FER: variants seen among roughly 807,000 people sequenced by gnomAD.
FER encodes the protein tyrosine-protein kinase Fer.
A neutral mutation model predicts 111.0 loss-of-function variants in FER; 63 were observed. That is an observed-to-expected ratio of 0.57 (90% CI 0.46 to 0.70). FER has a LOEUF of 0.70. FER is among the 30% of genes least tolerant of loss of function. FER has a pLI of 0.00. For synonymous variants in FER, 327 were observed against 313.9 expected (o/e 1.04, Z -0.44); for missense variants, 914 against 954.0 (o/e 0.96, Z 0.55).
intron 9 of FER, 63 bp from the exon 10 acceptor site, chr5:108,897,596 A>T: frequency 8.5e-7 from 1 of 1,177,748 alleles, no homozygotes; most frequent in Non-Finnish European, 1.1e-6. Context: ...TAATTTACAT[A>T]TATGAGGTTT....
intron 5 of FER, among the ~76,000 whole-genome samples, chr5:108,865,801 AAGACATTTATGC>A (rs1226865314): frequency 3.3e-5 from 5 of 152,214 alleles, no homozygotes; most frequent in African/African-American, 9.7e-5. Flanking sequence ...TTCTCAAAAG[AAGACATTTATGC>A]AGCCAAAAGA....
At chr5:109,134,308 G>A (rs1206307597) in intron 17 of FER, among the ~76,000 whole-genome samples, 2 of 151,996 alleles carry the variant, frequency 1.3e-5, no homozygotes, top group Admixed American at 6.6e-5. Flanking sequence ...GTCAATGTTA[G>A]AGTTTTATAT....
At chr5:109,063,945 C>T (rs1313448702) in intron 16 of FER, among the ~76,000 whole-genome samples, 1 of 152,104 alleles carries the variant, frequency 6.6e-6, no homozygotes, top group Non-Finnish European at 1.5e-5. Context: ...AATTCAAGAA[C>T]ATTACATTAC....
chr5:109,016,733 C>G (rs947217129), intron 13 of FER, among the ~76,000 whole-genome samples: 1 of 152,006 alleles, frequency 6.6e-6, no homozygotes, highest in African/African-American at 2.4e-5. Flanking sequence ...TGAATATATA[C>G]ATATTTTCCA....
At chr5:108,917,986 G>T (rs768470719) in intron 10 of FER, among the ~76,000 whole-genome samples, 1 of 152,060 alleles carries the variant, frequency 6.6e-6, no homozygotes, top group Admixed American at 6.6e-5. Context: ...GGTAGCTAAT[G>T]ACAACAACAT....
At chr5:108,834,477 C>T (rs994600146) in intron 4 of FER, among the ~76,000 whole-genome samples, 3 of 152,080 alleles carry the variant, frequency 2.0e-5, no homozygotes, top group African/African-American at 7.2e-5. Context: ...ATGGGCAGAT[C>T]GCCTGAGGTC....
At chr5:109,082,054 AC>A (rs1304148558) in intron 16 of FER, among the ~76,000 whole-genome samples, 1 of 128,848 alleles carries the variant, frequency 7.8e-6, no homozygotes, top group African/African-American at 2.9e-5. Flanking sequence ...TGAAATTTGA[AC>A]GGGGGACAGG....
At chr5:108,841,904 G>T in intron 5 of FER, 1 of 353,220 alleles carries the variant, frequency 2.8e-6, no homozygotes, top group Non-Finnish European at 5.5e-6. Flanking sequence ...TAGTATTTTT[G>T]TATGTATTTA....
chr5:108,918,295 T>C (rs1752525315), intron 10 of FER, among the ~76,000 whole-genome samples: 1 of 152,112 alleles, frequency 6.6e-6, no homozygotes, highest in African/African-American at 2.4e-5. Flanking sequence ...CTTGACAATA[T>C]CACTAAAGCT....
chr5:108,878,743 C>T (rs539153140), intron 8 of FER, among the ~76,000 whole-genome samples: 2 of 152,208 alleles, frequency 1.3e-5, no homozygotes, highest in African/African-American at 2.4e-5. Context: ...GCAAGTGAGG[C>T]ACCTGAGAAC....
At chr5:108,978,463 A>G (rs1442488924) in intron 13 of FER, among the ~76,000 whole-genome samples, 1 of 152,148 alleles carries the variant, frequency 6.6e-6, no homozygotes, top group African/African-American at 2.4e-5. Flanking sequence ...TTGGGCATCA[A>G]TTCTGTTTAA....
At chr5:109,103,173 A>G (rs1327756357) in intron 17 of FER, among the ~76,000 whole-genome samples, 1 of 152,170 alleles carries the variant, frequency 6.6e-6, no homozygotes, top group Non-Finnish European at 1.5e-5. Context: ...CATAACAAAA[A>G]TAAATGCATG....
At chr5:108,857,400 C>G (rs1304979176) in intron 5 of FER, among the ~76,000 whole-genome samples, 1 of 152,012 alleles carries the variant, frequency 6.6e-6, no homozygotes, top group Non-Finnish European at 1.5e-5. Flanking sequence ...TGCTTTATAT[C>G]AGGTCCATGA....
chr5:109,088,492 T>G (rs1285567969), intron 16 of FER, among the ~76,000 whole-genome samples: 1 of 152,034 alleles, frequency 6.6e-6, no homozygotes, highest in Non-Finnish European at 1.5e-5. Flanking sequence ...ATCAGAAAAT[T>G]TTTAGGTGAA....
intron 17 of FER, among the ~76,000 whole-genome samples, chr5:109,166,096 T>C (rs1016333971): frequency 6.6e-6 from 1 of 152,006 alleles, no homozygotes; most frequent in African/African-American, 2.4e-5. Flanking sequence ...TGGCACAACA[T>C]TGGGACCAAC....
chr5:108,945,358 CT>C, intron 10 of FER, among the ~76,000 whole-genome samples: 1 of 151,772 alleles, frequency 6.6e-6, no homozygotes, highest in Non-Finnish European at 1.5e-5. Context: ...GTTTTTTTTC[CT>C]TTTTCCCTCT....
chr5:109,129,935 A>G (rs909538074), intron 17 of FER, among the ~76,000 whole-genome samples: 7 of 152,046 alleles, frequency 4.6e-5, no homozygotes, highest in African/African-American at 1.7e-4. Context: ...TACTTTTACT[A>G]TTGAGAAATA....
intron 5 of FER, among the ~76,000 whole-genome samples, chr5:108,843,746 C>G (rs754413671): frequency 6.6e-6 from 1 of 151,936 alleles, no homozygotes; most frequent in Non-Finnish European, 1.5e-5. Context: ...CCAGGATGGT[C>G]TCTGTCTCTT....
Position 108,751,401 on chromosome 5 carries a change from A to G in FER, c.-206+3401A>G, listed in dbSNP as rs181126605. 6.6e-5 allele frequency among the ~76,000 whole-genome samples: 10 copies of G among 152,308 alleles called. No homozygotes were observed. In the East Asian group the frequency reaches 1.9e-3, roughly 29 times the overall value. On this transcript the variant is annotated intron_variant, in intron 1 of 19. Transcript: ENST00000281092. The stretch of plus-strand genomic sequence containing the variant: ...CTTGTGAGTGAGGTAGGAAGTCATC[A>G]TCTTTGTAATCAAGGCCCAAATAAG...
Sources: allele counts gnomAD v4.1 joint callset (sites outside exome capture counted in the v4.1 genomes callset), GRCh38; gene constraint gnomAD v4.1.1; transcripts MANE v1.5; gene names NCBI Gene and HGNC (gene_info 2026-07-23, HGNC 2026-07-21).